Variants in SH3KBP1 observed in about 807,000 individuals in gnomAD.
SH3KBP1 encodes the protein SH3 domain containing kinase binding protein 1.
SH3KBP1 carries 8 observed loss-of-function variants against 50.1 expected under a neutral mutation model. That is an observed-to-expected ratio of 0.16 (90% CI 0.09 to 0.29). The LOEUF (loss-of-function observed/expected upper bound fraction) is 0.29. SH3KBP1 is among the 10% of genes least tolerant of loss of function. The probability of loss-of-function intolerance (pLI) is 1.00; values close to 1 mark genes in which losing one functional copy is unlikely to be tolerated. For synonymous variants in SH3KBP1, 227 were observed against 218.6 expected (o/e 1.04, Z -0.34); for missense variants, 377 against 535.2 (o/e 0.70, Z 2.92).
chrX:19,718,139 TACACACACACACACACACAC>T (rs35514461), intron 3 of SH3KBP1, among the ~76,000 whole-genome samples: 4 of 91,098 alleles, frequency 4.4e-5, no homozygotes, highest in East Asian at 6.8e-4. Context: ...ATTTTATAAA[TACACACACACACACACACAC>T]ACACACACAC....
intron 2 of SH3KBP1, among the ~76,000 whole-genome samples, chrX:19,831,798 A>AAAAAAAAAAAAAAG (rs1385724267): frequency 5.7e-5 from 6 of 105,849 alleles, no homozygotes; most frequent in African/African-American, 2.1e-4. Flanking sequence ...TCCCAAAAAA[A>AAAAAAAAAAAAAAG]AAAAAAGAAA....
chrX:19,723,673 G>A (rs1379025877), intron 3 of SH3KBP1, among the ~76,000 whole-genome samples: 1 of 112,253 alleles, frequency 8.9e-6, no homozygotes, highest in Non-Finnish European at 1.9e-5. Flanking sequence ...ACCATGACTT[G>A]ACTCTGTTAA....
At chrX:19,799,042 CTCT>C (rs981287168) in intron 2 of SH3KBP1, among the ~76,000 whole-genome samples, 1 of 111,611 alleles carries the variant, frequency 9.0e-6, no homozygotes, top group African/African-American at 3.3e-5. Context: ...CAGGACAGTG[CTCT>C]TGACAGACCC....
intron 6 of SH3KBP1, chrX:19,670,876 T>C: frequency 8.8e-7 from 1 of 1,140,616 alleles, no homozygotes; most frequent in Admixed American, 2.6e-5. Flanking sequence ...TCTCCCATGA[T>C]GCAGCCAGCC....
intron 3 of SH3KBP1, among the ~76,000 whole-genome samples, chrX:19,715,028 C>G (rs1177603803): frequency 1.8e-5 from 2 of 111,558 alleles, no homozygotes; most frequent in East Asian, 5.6e-4. Context: ...AATCCCAGCA[C>G]TTTGGGAGGC....
chrX:19,665,092 G>C (rs2062562755), intron 6 of SH3KBP1, among the ~76,000 whole-genome samples: 2 of 111,788 alleles, frequency 1.8e-5, no homozygotes, highest in African/African-American at 3.3e-5. Flanking sequence ...TTCTAATAGA[G>C]AGAGACAATG....
chrX:19,702,269 A>G (rs1353109292), intron 4 of SH3KBP1, among the ~76,000 whole-genome samples: 1 of 112,176 alleles, frequency 8.9e-6, no homozygotes, highest in African/African-American at 3.2e-5. Flanking sequence ...AAAAAATGAC[A>G]TGAGGATGTG....
intron 16 of SH3KBP1, among the ~76,000 whole-genome samples, chrX:19,541,504 C>G (rs1351991223): frequency 8.9e-6 from 1 of 112,266 alleles, no homozygotes; most frequent in East Asian, 2.8e-4. Context: ...TGCAGGCCAA[C>G]TGCTTCATCT....
chrX:19,535,092 A>G lies in SH3KBP1; in HGVS notation c.*1325T>C. On this transcript the variant is annotated 3_prime_UTR_variant, in exon 18 of 18. Coordinates refer to ENST00000397821, the MANE Select transcript of SH3KBP1 (RefSeq NM_031892.3). ...ACCCCCTCCACCCCTACCCCTGAACAGTCTCGCAATACAGTAGGCCCCTCA... is the reference window on the plus strand; with the variant it reads ...ACCCCCTCCACCCCTACCCCTGAACGGTCTCGCAATACAGTAGGCCCCTCA... The G allele has an allele frequency of 3.4e-6, 1 of 297,041 alleles. No homozygotes were observed. Among genetic ancestry groups the G allele is most frequent in the Non-Finnish European group, 5.9e-6 (1 of 170,024 alleles). 24.5% of individuals were successfully genotyped at this position (297,041 alleles called of 1,213,427 possible).
intron 13 of SH3KBP1, among the ~76,000 whole-genome samples, chrX:19,563,852 C>T (rs1009054973): frequency 8.9e-6 from 1 of 111,863 alleles, no homozygotes; most frequent in Non-Finnish European, 1.9e-5. Context: ...TAGGAGCCAG[C>T]CGTGGCTCTT....
chrX:19,754,497 A>G (rs765232365), intron 2 of SH3KBP1, among the ~76,000 whole-genome samples: 8 of 112,014 alleles, frequency 7.1e-5, no homozygotes, highest in African/African-American at 2.3e-4. Context: ...GATGAAGTAG[A>G]GTATTTTCTT....
chrX:19,625,924 A>G (rs914691793), intron 8 of SH3KBP1, among the ~76,000 whole-genome samples: 2 of 111,787 alleles, frequency 1.8e-5, no homozygotes, highest in African/African-American at 6.5e-5. Flanking sequence ...ACTTGCTGGG[A>G]GTCCCTCGGG....
intron 4 of SH3KBP1, among the ~76,000 whole-genome samples, chrX:19,701,547 C>G (rs751284327): frequency 1.8e-5 from 2 of 111,801 alleles, no homozygotes; most frequent in Non-Finnish European, 3.8e-5. Flanking sequence ...AACACCATGT[C>G]CTCCTTCCTC....
At chrX:19,762,262 G>A (rs2065456951) in intron 2 of SH3KBP1, among the ~76,000 whole-genome samples, 1 of 111,784 alleles carries the variant, frequency 8.9e-6, no homozygotes, top group African/African-American at 3.3e-5. Context: ...TCTTGCCTGG[G>A]GACCAGTATG....
Position 19,647,081 on chromosome X carries a change from C to T in SH3KBP1, c.727-1606G>A, listed in dbSNP as rs192970510. 8.8e-4 allele frequency among the ~76,000 whole-genome samples: 99 copies of T among 112,232 alleles called. 1 individual carries two copies. The highest frequency in any genetic ancestry group is 3.1e-3 in the African/African-American group (96 of 30,934). On this transcript the variant is annotated intron_variant, in intron 6 of 17. Transcript: ENST00000397821. ...CAAAGTGTTCATTTCATTCACATTC[C>T]TGTTCACACTTCTAGCAGCATCCCT...
chrX:19,541,264 GGAT>G (rs764941461), intron 16 of SH3KBP1, among the ~76,000 whole-genome samples: 12 of 111,499 alleles, frequency 1.1e-4, no homozygotes, highest in Non-Finnish European at 2.1e-4. Flanking sequence ...ACCACATCCT[GGAT>G]GATAATGATG....
At chrX:19,636,160 GAA>G (rs1243908918) in intron 7 of SH3KBP1, among the ~76,000 whole-genome samples, 18 of 107,837 alleles carry the variant, frequency 1.7e-4, no homozygotes, top group Admixed American at 2.0e-4. Flanking sequence ...GAGAGAGAGA[GAA>G]AAAATAAAGC....
At chrX:19,831,121 T>A (rs1321642531) in intron 2 of SH3KBP1, among the ~76,000 whole-genome samples, 1 of 112,112 alleles carries the variant, frequency 8.9e-6, no homozygotes, top group African/African-American at 3.2e-5. Flanking sequence ...GCTAAATGAA[T>A]CAAGAAAATG....
intron 4 of SH3KBP1, among the ~76,000 whole-genome samples, chrX:19,702,525 G>T (rs61574799): frequency 0.024 from 2,606 of 110,457 alleles, 82 homozygotes; most frequent in African/African-American, 0.081. Context: ...ATAAAAGCAA[G>T]AATCTTTGAA....
Sources: allele counts gnomAD v4.1 joint callset (sites outside exome capture counted in the v4.1 genomes callset), GRCh38; gene constraint gnomAD v4.1.1; transcripts MANE v1.5; gene names NCBI Gene and HGNC (gene_info 2026-07-23, HGNC 2026-07-21).